SOX5: variants seen among roughly 807,000 people sequenced by gnomAD.
SOX5 encodes transcription factor SOX-5.
In SOX5, 9 loss-of-function variants were observed where a neutral mutation model predicts 92.0. That is an observed-to-expected ratio of 0.10 (90% CI 0.06 to 0.17). SOX5 has a LOEUF of 0.17. Ranked by LOEUF, SOX5 falls within the 10% of genes least tolerant of loss-of-function variation. SOX5 has a pLI of 1.00. For synonymous variants in SOX5, 344 were observed against 336.3 expected (o/e 1.02, Z -0.25); for missense variants, 642 against 944.5 (o/e 0.68, Z 4.20).
At chr12:24,147,646 A>G (rs372018416) in intron 4 of SOX5, among the ~76,000 whole-genome samples, 13 of 152,350 alleles carry the variant, frequency 8.5e-5, no homozygotes, top group South Asian at 4.1e-4. Flanking sequence ...CACAGACAAC[A>G]TAATTGTCTA....
At chr12:24,417,363 G>A (rs776822291) in intron 1 of SOX5, among the ~76,000 whole-genome samples, 8 of 152,166 alleles carry the variant, frequency 5.3e-5, no homozygotes, top group South Asian at 2.1e-4. Flanking sequence ...TGCTTATAAC[G>A]TTATTTGTTA....
chr12:23,915,666 T>A (rs1311108899), intron 1 of SOX5, among the ~76,000 whole-genome samples: 1 of 151,636 alleles, frequency 6.6e-6, no homozygotes, highest in East Asian at 1.9e-4. Context: ...CAGAATATGG[T>A]TTTTTGCTAC....
At chr12:23,721,592 G>A (rs1443457699) in intron 6 of SOX5, among the ~76,000 whole-genome samples, 1 of 152,008 alleles carries the variant, frequency 6.6e-6, no homozygotes, top group African/African-American at 2.4e-5. Flanking sequence ...GTAACAGTTC[G>A]CAGAATGGCC....
intron 6 of SOX5, among the ~76,000 whole-genome samples, chr12:23,717,188 GA>G (rs1434700443): frequency 2.0e-5 from 3 of 152,148 alleles, no homozygotes; most frequent in African/African-American, 7.2e-5. Context: ...CCTGACAGTA[GA>G]AAAAATATTT....
intron 4 of SOX5, among the ~76,000 whole-genome samples, chr12:24,197,519 C>G (rs528752318): frequency 6.6e-6 from 1 of 152,166 alleles, no homozygotes; most frequent in African/African-American, 2.4e-5. Flanking sequence ...TTCCCTGGCT[C>G]CTGCTTGACA....
chr12:24,279,412 T>C (rs560215505), intron 2 of SOX5, among the ~76,000 whole-genome samples: 24 of 152,246 alleles, frequency 1.6e-4, no homozygotes, highest in African/African-American at 2.4e-4. Context: ...AGTGAAATGA[T>C]AGTTCAGTCA....
chr12:23,791,739 C>T (rs7303293), intron 3 of SOX5, among the ~76,000 whole-genome samples: 3,114 of 152,130 alleles, frequency 0.02, 45 homozygotes, highest in Middle Eastern at 0.037. Flanking sequence ...ATTACTGAGA[C>T]TCAGTAACTT....
intron 2 of SOX5, among the ~76,000 whole-genome samples, chr12:23,868,277 G>A (rs2096836906): frequency 6.6e-6 from 1 of 152,076 alleles, no homozygotes; most frequent in African/African-American, 2.4e-5. Flanking sequence ...AGAATGTTAA[G>A]ATTTCTTTCT....
At chr12:23,886,149 T>A (rs112799127) in intron 2 of SOX5, among the ~76,000 whole-genome samples, 2 of 152,192 alleles carry the variant, frequency 1.3e-5, no homozygotes, top group Admixed American at 6.5e-5. Flanking sequence ...TTCTTTACTA[T>A]TGAATTGTTT....
intron 3 of SOX5, among the ~76,000 whole-genome samples, chr12:23,758,008 C>CAAAAAAAAA (rs34841595): frequency 1.5e-3 from 101 of 68,246 alleles, no homozygotes; most frequent in Middle Eastern, 0.017. Context: ...GCACACACTA[C>CAAAAAAAAA]AAAAAAAAAA....
intron 6 of SOX5, among the ~76,000 whole-genome samples, chr12:23,669,739 A>C (rs1220992156): frequency 6.6e-6 from 1 of 152,150 alleles, no homozygotes; most frequent in Non-Finnish European, 1.5e-5. Flanking sequence ...ACTTGATGTC[A>C]CTCTACTTAT....
intron 2 of SOX5, among the ~76,000 whole-genome samples, chr12:24,296,406 G>A (rs182461247): frequency 2.0e-5 from 3 of 152,286 alleles, no homozygotes; most frequent in African/African-American, 7.2e-5. Flanking sequence ...TCCTTCTGCA[G>A]TGTTTCTCTA....
intron 3 of SOX5, chr12:24,223,291 C>G (rs1165056083): frequency 6.6e-6 from 1 of 152,184 alleles, no homozygotes; most frequent in African/African-American, 2.4e-5. Flanking sequence ...AACAGCAATG[C>G]TCATCACATA....
At chr12:23,736,757 C>A (rs1230982955) in intron 5 of SOX5, among the ~76,000 whole-genome samples, 3 of 146,518 alleles carry the variant, frequency 2.0e-5, no homozygotes, top group Admixed American at 6.9e-5. Flanking sequence ...ATGGCGCGAT[C>A]TCAGCTTACT....
intron 2 of SOX5, among the ~76,000 whole-genome samples, chr12:24,292,427 T>C (rs1315317765): frequency 6.6e-6 from 1 of 152,234 alleles, no homozygotes; most frequent in East Asian, 1.9e-4. Context: ...AAAATGTGAT[T>C]TATTCATCAT....
At chr12:23,652,000 A>G (rs886330123) in intron 7 of SOX5, among the ~76,000 whole-genome samples, 2 of 151,986 alleles carry the variant, frequency 1.3e-5, no homozygotes, top group Non-Finnish European at 2.9e-5. Flanking sequence ...CCTATCCTAA[A>G]AAAAATGAAC....
chr12:24,155,667 T>A (rs11047283), intron 4 of SOX5, among the ~76,000 whole-genome samples: 27,692 of 152,126 alleles, frequency 0.18, 2,703 homozygotes, highest in African/African-American at 0.24. Context: ...AGGTTAACAA[T>A]TAGCTTTCAA....
At chr12:23,794,468 TA>T (rs2051415648) in intron 3 of SOX5, among the ~76,000 whole-genome samples, 2 of 152,096 alleles carry the variant, frequency 1.3e-5, no homozygotes, top group African/African-American at 4.8e-5. Context: ...TGAAATGACA[TA>T]AGGTAACTGC....
chr12:24,010,116 C>A (rs1287738461), intron 4 of SOX5, among the ~76,000 whole-genome samples: 1 of 152,128 alleles, frequency 6.6e-6, no homozygotes, highest in Non-Finnish European at 1.5e-5. Context: ...AAAACAATTT[C>A]TCAAAACAAG....
Sources: allele counts gnomAD v4.1 joint callset (sites outside exome capture counted in the v4.1 genomes callset), GRCh38; gene constraint gnomAD v4.1.1; transcripts MANE v1.5; gene names NCBI Gene and HGNC (gene_info 2026-07-23, HGNC 2026-07-21).